DNAL1: variants seen among roughly 807,000 people sequenced by gnomAD.
DNAL1 encodes the protein chromosome 14 open reading frame 168.
DNAL1 carries 17 observed loss-of-function variants against 29.4 expected under a neutral mutation model. The observed-to-expected ratio is 0.58, with a 90% CI of 0.40 to 0.87. DNAL1 has a LOEUF of 0.87. Among genes scored for constraint, DNAL1 ranks in the 40% least tolerant of loss-of-function variants. The pLI is 0.00. For missense variants in DNAL1, 188 were observed against 214.1 expected (o/e 0.88, Z 0.76); for synonymous variants, 78 against 76.3 (o/e 1.02, Z -0.12).
Position 73,669,425 on chromosome 14 carries a change from C to T in DNAL1, c.209-2117C>T, listed in dbSNP as rs1026818292. ...CCAAGTAGCTGGGATTACAGGCATG[C>T]GCCACCATGCCCAGCTAATTTTTGT... On this transcript the variant is annotated intron_variant, in intron 4 of 7. Coordinates refer to ENST00000553645, the MANE Select transcript of DNAL1 (RefSeq NM_031427.4). Among the ~76,000 whole-genome samples the T allele has an allele frequency of 2.0e-5, 3 of 151,786 alleles. No homozygotes were observed. The East Asian group carries it at 5.8e-4, about 29-fold the overall frequency.
rs1566889457 is a variant in DNAL1 at position 73,683,684 on chromosome 14, T to TTTA, written c.265-3573_265-3572insATT. On this transcript the variant is annotated intron_variant, in intron 5 of 7. Transcript: ENST00000553645. The stretch of plus-strand genomic sequence containing the variant: ...TCTCTACTTCCATGAGATCAGCTTT[T>TTTA]TTTATTTATTTATTTATTATTATTA... Among the ~76,000 whole-genome samples the TTTA allele has an allele frequency of 6.1e-3, 912 of 150,310 alleles. 14 individuals carry two copies. The highest frequency in any genetic ancestry group is 0.021 in the African/African-American group (861 of 40,136).
Position 73,646,857 on chromosome 14 carries a change from T to G in DNAL1, c.3+1815T>G, listed in dbSNP as rs1405755693. On this transcript the variant is annotated intron_variant, in intron 1 of 7. Coordinates refer to ENST00000553645, the MANE Select transcript of DNAL1 (RefSeq NM_031427.4). ...GTTGGTTGTTAACTGAAACTTGTTATGCAGCTCATGACTGTATTTAGAACT... is the reference window on the plus strand; with the variant it reads ...GTTGGTTGTTAACTGAAACTTGTTAGGCAGCTCATGACTGTATTTAGAACT... Among the ~76,000 whole-genome samples, 4 of 152,210 alleles carry G rather than the reference T, an allele frequency of 2.6e-5. No homozygotes were observed. The East Asian group carries it at 7.7e-4, about 29-fold the overall frequency.
intron 7 of DNAL1, 108 bp downstream of exon 7, chr14:73,689,623 TC>T: frequency 6.8e-7 from 1 of 1,467,920 alleles, no homozygotes; most frequent in Non-Finnish European, 9.3e-7. Context: ...CCTCTGATCT[TC>T]CAGGTCATTT....
intron 4 of DNAL1, among the ~76,000 whole-genome samples, chr14:73,662,807 C>CTTTTTTTTTT (rs61249050): frequency 7.4e-6 from 1 of 135,304 alleles, no homozygotes; most frequent in Non-Finnish European, 1.6e-5. Context: ...CTGCAAAGTA[C>CTTTTTTTTTT]TTTTTTTTTT....
chr14:73,676,749 A>T (rs113870455), intron 5 of DNAL1, among the ~76,000 whole-genome samples: 7 of 151,908 alleles, frequency 4.6e-5, no homozygotes, highest in African/African-American at 1.7e-4. Context: ...TGCAGTGAAC[A>T]TCTTTGCACA....
chr14:73,648,251 T>G (rs1054799496), intron 1 of DNAL1, among the ~76,000 whole-genome samples: 1 of 151,672 alleles, frequency 6.6e-6, no homozygotes, highest in African/African-American at 2.4e-5. Flanking sequence ...ATGGTGGGAT[T>G]GCAGGCGTGA....
Position 73,699,854 on chromosome 14 carries a change from A to G in DNAL1, c.*3912A>G, listed in dbSNP as rs1019554205. 6.6e-6 allele frequency: 1 copy of G among 152,216 alleles called. No homozygotes were observed. The highest frequency in any genetic ancestry group is 1.5e-5 in the Non-Finnish European group (1 of 68,036). The allele number at this position is 152,216 out of a possible 1,614,324, so 9.4% of individuals were successfully genotyped here. ...GGTCATCATTCTTTAAGCGTCATTC[A>G]TTGTCTAATCACATAATTTTGCAGA... On this transcript the variant is annotated 3_prime_UTR_variant, in exon 8 of 8. Coordinates refer to ENST00000553645, the MANE Select transcript of DNAL1 (RefSeq NM_031427.4).
rs565036236 is a variant in DNAL1, at chr14:73,645,020, T to C, written c.-20T>C. 41 of 1,608,850 alleles carry C rather than the reference T, an allele frequency of 2.5e-5. No individual in the cohort carries two copies. Among genetic ancestry groups the C allele is most frequent in the Non-Finnish European group, 3.4e-5 (40 of 1,178,172 alleles). On this transcript the variant is annotated 5_prime_UTR_variant, in exon 1 of 8. Transcript: ENST00000553645. Reference sequence around the variant, plus strand: ...CCGCGGGCCCTAGCAACCAGAGCAGTGACAGTAGCAACCGCCGGAATGGTG... The same window carrying C: ...CCGCGGGCCCTAGCAACCAGAGCAGCGACAGTAGCAACCGCCGGAATGGTG...
intron 5 of DNAL1, among the ~76,000 whole-genome samples, chr14:73,676,118 C>G (rs900811441): frequency 6.6e-6 from 1 of 151,576 alleles, no homozygotes; most frequent in East Asian, 1.9e-4. Context: ...CCTGTAATCC[C>G]AGCTACTAGG....
chr14:73,681,655 T>TATATATA (rs1555402648), intron 5 of DNAL1, among the ~76,000 whole-genome samples: 9 of 127,246 alleles, frequency 7.1e-5, no homozygotes, highest in African/African-American at 1.3e-4. Context: ...TATATATATA[T>TATATATA]TAGTTGGGTG....
In DNAL1 at chr14:73,700,002, C is replaced by T. The variant is rs907661737; in HGVS notation, c.*4060C>T. On this transcript the variant is annotated 3_prime_UTR_variant, in exon 8 of 8. Transcript: ENST00000553645. ...AGAATGTCTGCTTAAGATAACTGGT[C>T]AATAACTTGGTATGGCTACTGGATT... 4 of 152,196 alleles carry T rather than the reference C, an allele frequency of 2.6e-5. No homozygotes were observed. Among genetic ancestry groups the T allele is most frequent in the Admixed American group, 6.5e-5 (1 of 15,270 alleles). The allele number at this position is 152,196 out of a possible 1,614,324, so 9.4% of individuals were successfully genotyped here.
At position 73,676,207 on chromosome 14, in the gene DNAL1, C is replaced by A. The variant is rs946577102; in HGVS notation, c.264+4610C>A. ...CGAGATCACGCCACTGCACTCCAGC[C>A]TGGGTGACAGAGCAAGAGACTGTCT... On this transcript the variant is annotated intron_variant, in intron 5 of 7. Coordinates refer to ENST00000553645, the MANE Select transcript of DNAL1 (RefSeq NM_031427.4). Among the ~76,000 whole-genome samples the A allele has an allele frequency of 6.2e-4, 94 of 150,722 alleles. 1 individual carries two copies. Among genetic ancestry groups the A allele is most frequent in the Non-Finnish European group, 7.4e-5 (5 of 67,790 alleles).
chr14:73,676,635 T>C (rs1177808154), intron 5 of DNAL1, among the ~76,000 whole-genome samples: 1 of 152,230 alleles, frequency 6.6e-6, no homozygotes, highest in African/African-American at 2.4e-5. Context: ...ACTATTCCTA[T>C]ACTGCTGGGC....
intron 1 of DNAL1, among the ~76,000 whole-genome samples, chr14:73,650,962 A>G (rs1891100259): frequency 1.3e-5 from 2 of 151,914 alleles, no homozygotes; most frequent in South Asian, 4.1e-4. Context: ...TTTAACATCA[A>G]ATGTAGAACT....
chr14:73,681,633 A>ATAT (rs1397342699), intron 5 of DNAL1, among the ~76,000 whole-genome samples: 7 of 35,404 alleles, frequency 2.0e-4, no homozygotes, highest in African/African-American at 1.1e-3. Flanking sequence ...AAAAAAAAAA[A>ATAT]ATATATATAT....
chr14:73,676,981 T>A (rs1891748769), intron 5 of DNAL1, among the ~76,000 whole-genome samples: 1 of 151,060 alleles, frequency 6.6e-6, no homozygotes, highest in Non-Finnish European at 1.5e-5. Context: ...TTTTTTTTTT[T>A]TTTAATTGAG....
Position 73,651,508 on chromosome 14 carries a change from G to A in DNAL1, c.4-3339G>A, listed in dbSNP as rs984531554. Reference sequence around the variant, plus strand: ...TTGGAGTATTGGGGGAAGAGGATAAGGGTAAATCTATCATTTTAATATTTT... The same window carrying A: ...TTGGAGTATTGGGGGAAGAGGATAAAGGTAAATCTATCATTTTAATATTTT... On this transcript the variant is annotated intron_variant, in intron 1 of 7. Coordinates refer to ENST00000553645, the MANE Select transcript of DNAL1 (RefSeq NM_031427.4). Among the ~76,000 whole-genome samples, 4 of 152,086 alleles carry A rather than the reference G, an allele frequency of 2.6e-5. No individual in the cohort carries two copies. In the East Asian group the frequency reaches 7.7e-4, roughly 29 times the overall value.
chr14:73,703,191 GTTCA>G lies in DNAL1; in HGVS notation c.*7252_*7255del, dbSNP rs1325873289. ...CATAAATATCCCATTGTTATTTTTA[GTTCA>G]TTGTTTCCTAGAACAAAGGATGGAC... On this transcript the variant is annotated 3_prime_UTR_variant, in exon 8 of 8. Transcript: ENST00000553645. 6.6e-6 allele frequency: 1 copy of G among 152,122 alleles called. No individual in the cohort carries two copies. The highest frequency in any genetic ancestry group is 1.5e-5 in the Non-Finnish European group (1 of 68,026). The allele number at this position is 152,122 out of a possible 1,614,324, so 9.4% of individuals were successfully genotyped here. A position where few individuals can be genotyped will look rare whatever the true frequency, so the allele number is the denominator to read the frequency against.
intron 4 of DNAL1, among the ~76,000 whole-genome samples, chr14:73,664,987 TATA>T (rs1459529278): frequency 2.6e-5 from 4 of 152,308 alleles, no homozygotes; most frequent in East Asian, 1.9e-4. Flanking sequence ...CTACTTGGAT[TATA>T]ATAATAATTA....
Sources: allele counts gnomAD v4.1 joint callset (sites outside exome capture counted in the v4.1 genomes callset), GRCh38; gene constraint gnomAD v4.1.1; transcripts MANE v1.5; gene names NCBI Gene and HGNC (gene_info 2026-07-23, HGNC 2026-07-21).